The following GALNT7 variants were observed in gnomAD, a reference collection of about 807,000 sequenced individuals.
GALNT7 encodes the protein N-acetylgalactosaminyltransferase 7.
Under a neutral mutation model 82.1 loss-of-function variants are expected in GALNT7, and 60 were observed. The ratio of observed to expected loss-of-function variants is 0.73; its 90% CI spans 0.59 to 0.91. The LOEUF is 0.91. GALNT7 is among the 40% of genes least tolerant of loss of function. The probability of loss-of-function intolerance (pLI) is 0.00; values close to 1 mark genes in which losing one functional copy is unlikely to be tolerated. For missense variants in GALNT7, 660 were observed against 804.2 expected, an observed-to-expected ratio of 0.82 and a Z score of 2.17; for synonymous variants, 243 against 275.1, an observed-to-expected ratio of 0.88 and a Z score of 1.15.
intron 1 of GALNT7, among the ~76,000 whole-genome samples, chr4:173,216,727 A>ATATATATTTTTTTTTTTTTTT (rs71244915): frequency 7.7e-5 from 1 of 12,980 alleles, no homozygotes; most frequent in Non-Finnish European, 1.4e-4. Context: ...ATATATATAT[A>ATATATATTTTTTTTTTTTTTT]TTTTTTTTTT....
At chr4:173,232,517 C>T (rs750236241) in intron 1 of GALNT7, among the ~76,000 whole-genome samples, 2 of 151,776 alleles carry the variant, frequency 1.3e-5, no homozygotes, top group Non-Finnish European at 2.9e-5. Context: ...ACTGCAGCCT[C>T]GAACTCCTGG....
intron 9 of GALNT7, chr4:173,316,150 C>T (rs895077379): frequency 6.6e-6 from 1 of 152,540 alleles, no homozygotes; most frequent in Non-Finnish European, 1.5e-5. Flanking sequence ...AGATCCACAA[C>T]ATCTGTCCCC....
intron 9 of GALNT7, 183 bp from the exon 10 acceptor site, chr4:173,317,451 T>A (rs115516235): frequency 1.3e-3 from 721 of 537,432 alleles, no homozygotes; most frequent in African/African-American, 0.011. Context: ...AGTGTTGACT[T>A]CAAGACCATA....
chr4:173,227,705 G>A (rs1256112605), intron 1 of GALNT7, among the ~76,000 whole-genome samples: 1 of 152,090 alleles, frequency 6.6e-6, no homozygotes, highest in Non-Finnish European at 1.5e-5. Flanking sequence ...TCTCATGAAT[G>A]TCTCATGTTG....
At chr4:173,205,729 G>A (rs1733069136) in intron 1 of GALNT7, among the ~76,000 whole-genome samples, 1 of 152,136 alleles carries the variant, frequency 6.6e-6, no homozygotes, top group Non-Finnish European at 1.5e-5. Context: ...AGGGCAATCT[G>A]GCCCTGGGAT....
intron 2 of GALNT7, among the ~76,000 whole-genome samples, chr4:173,288,876 A>T (rs1736435287): frequency 6.6e-6 from 1 of 151,812 alleles, no homozygotes. Flanking sequence ...CAGGAATGTA[A>T]CTCAAAGAGT....
At chr4:173,288,004 C>A (rs1579992285) in intron 2 of GALNT7, among the ~76,000 whole-genome samples, 1 of 152,106 alleles carries the variant, frequency 6.6e-6, no homozygotes, top group Admixed American at 6.5e-5. Context: ...ACATATGAGG[C>A]CGGGCGCGGT....
At chr4:173,299,056 A>G (rs1736820438) in intron 6 of GALNT7, among the ~76,000 whole-genome samples, 1 of 152,176 alleles carries the variant, frequency 6.6e-6, no homozygotes, top group Non-Finnish European at 1.5e-5. Flanking sequence ...GTGTTAGTAT[A>G]GCCTTCTCCT....
At chr4:173,318,968 T>C (rs1737705032) in intron 11 of GALNT7, among the ~76,000 whole-genome samples, 2 of 152,096 alleles carry the variant, frequency 1.3e-5, no homozygotes, top group Admixed American at 1.3e-4. Flanking sequence ...TTTGATATTG[T>C]CCAGCAGGTG....
chr4:173,223,454 C>T (rs1733704662), intron 1 of GALNT7, among the ~76,000 whole-genome samples: 1 of 142,602 alleles, frequency 7.0e-6, no homozygotes, highest in Non-Finnish European at 1.5e-5. Flanking sequence ...TATAAAAACT[C>T]TGTAATGGTA....
chr4:173,202,321 T>C (rs1732967563), intron 1 of GALNT7, among the ~76,000 whole-genome samples: 1 of 152,140 alleles, frequency 6.6e-6, no homozygotes, highest in South Asian at 2.1e-4. Context: ...TGGGTCCAAC[T>C]CTTTACCATA....
At chr4:173,251,336 T>G (rs985407330) in intron 2 of GALNT7, among the ~76,000 whole-genome samples, 3 of 152,230 alleles carry the variant, frequency 2.0e-5, no homozygotes, top group Admixed American at 2.0e-4. Context: ...TAAAATGACA[T>G]AATTGACTAC....
intron 6 of GALNT7, among the ~76,000 whole-genome samples, chr4:173,298,603 T>C (rs778473342): frequency 1.1e-4 from 16 of 152,244 alleles, no homozygotes; most frequent in Admixed American, 2.6e-4. Flanking sequence ...TATCCTGTCC[T>C]ACTGGATTAG....
chr4:173,319,440 C>T (rs1273150443), intron 11 of GALNT7, among the ~76,000 whole-genome samples: 4 of 151,842 alleles, frequency 2.6e-5, no homozygotes, highest in South Asian at 2.1e-4. Context: ...GTGATAAGCA[C>T]GTATCAATTG....
intron 1 of GALNT7, among the ~76,000 whole-genome samples, chr4:173,239,694 C>A (rs562771050): frequency 6.6e-6 from 1 of 152,260 alleles, no homozygotes; most frequent in African/African-American, 2.4e-5. Flanking sequence ...CAAAATAGAA[C>A]ATTAGACATT....
At chr4:173,170,246 G>C (rs1422531153) in intron 1 of GALNT7, among the ~76,000 whole-genome samples, 2 of 152,228 alleles carry the variant, frequency 1.3e-5, no homozygotes, top group Non-Finnish European at 2.9e-5. Context: ...CCGCCGAGGC[G>C]GCGGGGCTGC....
At chr4:173,279,522 T>C (rs1579984293) in intron 2 of GALNT7, among the ~76,000 whole-genome samples, 1 of 152,256 alleles carries the variant, frequency 6.6e-6, no homozygotes, top group African/African-American at 2.4e-5. Flanking sequence ...TATTGATTTC[T>C]GAATGCTAAA....
At chr4:173,301,585 G>A (rs959277971) in intron 6 of GALNT7, among the ~76,000 whole-genome samples, 8 of 152,100 alleles carry the variant, frequency 5.3e-5, no homozygotes, top group African/African-American at 1.7e-4. Flanking sequence ...GTTATTTGGC[G>A]AGCCCCTGAG....
At chr4:173,256,730 T>C (rs1735052489) in intron 2 of GALNT7, among the ~76,000 whole-genome samples, 1 of 152,232 alleles carries the variant, frequency 6.6e-6, no homozygotes, top group South Asian at 2.1e-4. Flanking sequence ...CTGCTGGGCT[T>C]AGGGCTATGC....
Sources: gnomAD v4.1 joint callset for allele counts (sites outside exome capture counted in the v4.1 genomes callset) on GRCh38, gnomAD v4.1.1 for gene constraint, MANE v1.5 for transcripts, NCBI Gene and HGNC (gene_info 2026-07-23, HGNC 2026-07-21) for gene names.